Variants in SPOCK3 observed in about 807,000 individuals in gnomAD.
The protein encoded by SPOCK3 is testican-3.
A neutral mutation model predicts 56.6 loss-of-function variants in SPOCK3; 30 were observed. That is an observed-to-expected ratio of 0.53 (90% CI 0.40 to 0.72). The LOEUF (loss-of-function observed/expected upper bound fraction) is 0.72, where lower values mean the gene tolerates loss of function less well. Ranked by LOEUF, SPOCK3 falls within the 30% of genes least tolerant of loss-of-function variation. SPOCK3 has a pLI of 0.00. For missense variants in SPOCK3, 527 were observed against 530.0 expected (o/e 0.99, Z 0.06); for synonymous variants, 196 against 183.3 (o/e 1.07, Z -0.56).
At chr4:166,835,778 T>A (rs558334334) in intron 6 of SPOCK3, among the ~76,000 whole-genome samples, 46 of 152,278 alleles carry the variant, frequency 3.0e-4, no homozygotes, top group African/African-American at 1.1e-3. Context: ...GGTGGGCGGA[T>A]CACCTGAGAT....
chr4:166,795,316 T>C (rs1031117315), intron 6 of SPOCK3, among the ~76,000 whole-genome samples: 2 of 152,132 alleles, frequency 1.3e-5, no homozygotes, highest in African/African-American at 4.8e-5. Context: ...ACAGAAATAC[T>C]GTATAGTCGC....
chr4:166,997,250 C>T (rs1025864351), intron 4 of SPOCK3, among the ~76,000 whole-genome samples: 2 of 152,046 alleles, frequency 1.3e-5, no homozygotes, highest in East Asian at 1.9e-4. Flanking sequence ...GTGCAGTAAA[C>T]CACCATGGGA....
At chr4:166,851,106 C>T (rs539688014) in intron 6 of SPOCK3, among the ~76,000 whole-genome samples, 2 of 152,056 alleles carry the variant, frequency 1.3e-5, no homozygotes, top group East Asian at 1.9e-4. Context: ...TCTCCCAGCA[C>T]GCAGCTGGAG....
chr4:167,214,995 C>CTA (rs1405472112), intron 2 of SPOCK3, among the ~76,000 whole-genome samples: 2 of 150,340 alleles, frequency 1.3e-5, no homozygotes, highest in Non-Finnish European at 3.0e-5. Context: ...TATATATTTA[C>CTA]TATATATATA....
intron 2 of SPOCK3, among the ~76,000 whole-genome samples, chr4:167,104,949 C>A (rs1288688584): frequency 6.6e-6 from 1 of 151,534 alleles, no homozygotes; most frequent in Non-Finnish European, 1.5e-5. Context: ...ACTTAAAGTG[C>A]TGAAGCAAGA....
intron 6 of SPOCK3, among the ~76,000 whole-genome samples, chr4:166,837,908 T>C (rs1407875405): frequency 6.6e-6 from 1 of 152,194 alleles, no homozygotes; most frequent in Non-Finnish European, 1.5e-5. Context: ...GTTTTGATGT[T>C]CCCTTAATTC....
At chr4:166,951,714 C>T (rs1362554754) in intron 4 of SPOCK3, among the ~76,000 whole-genome samples, 17 of 143,324 alleles carry the variant, frequency 1.2e-4, no homozygotes, top group Non-Finnish European at 2.2e-4. Context: ...TCCAGCAGCA[C>T]ATCAAAAAGC....
At chr4:166,845,668 G>C in intron 6 of SPOCK3, among the ~76,000 whole-genome samples, 1 of 152,248 alleles carries the variant, frequency 6.6e-6, no homozygotes, top group South Asian at 2.1e-4. Context: ...TAATTACCAA[G>C]CAATAGTTCA....
intron 6 of SPOCK3, among the ~76,000 whole-genome samples, chr4:166,842,300 TGCTGATTGGTCCATTTTACAGAGA>T (rs1348635374): frequency 1.5e-4 from 23 of 152,352 alleles, no homozygotes; most frequent in East Asian, 7.7e-4. Flanking sequence ...ACCCATATCC[TGCTGATTGGTCCATTTTACAGAGA>T]GCTGATTGGT....
At chr4:166,978,395 C>T (rs1306481580) in intron 4 of SPOCK3, among the ~76,000 whole-genome samples, 1 of 152,012 alleles carries the variant, frequency 6.6e-6, no homozygotes, top group Non-Finnish European at 1.5e-5. Context: ...AATAAAAGAA[C>T]TTGAACAAGA....
intron 2 of SPOCK3, among the ~76,000 whole-genome samples, chr4:167,190,836 T>A (rs1225089653): frequency 1.4e-5 from 2 of 145,944 alleles, no homozygotes; most frequent in Admixed American, 1.4e-4. Flanking sequence ...CATTTGTATA[T>A]CAAGTTTTAC....
In SPOCK3 at chr4:167,035,303, A is replaced by G. The variant is rs761439989; in HGVS notation, c.235+27189T>C. Among the ~76,000 whole-genome samples the G allele has an allele frequency of 3.3e-5, 5 of 152,224 alleles. No individual in the cohort carries two copies. The South Asian group carries it at 8.3e-4, about 25-fold the overall frequency. ...GCTGTATGCCTTCCATTATTTCTAT[A>G]TGATTACCAGAACATCTCAGTGTGA... On this transcript the variant is annotated intron_variant, in intron 3 of 10. Transcript: ENST00000357545.
At chr4:166,847,647 T>TTATATACATATATATATATA (rs1553986753) in intron 6 of SPOCK3, among the ~76,000 whole-genome samples, 8 of 55,366 alleles carry the variant, frequency 1.4e-4, no homozygotes, top group Admixed American at 5.9e-4. Context: ...AAATCCTAGT[T>TTATATACATATATATATATA]TATATATATA....
chr4:166,828,145 G>T (rs1000838179), intron 6 of SPOCK3, among the ~76,000 whole-genome samples: 12 of 151,646 alleles, frequency 7.9e-5, no homozygotes, highest in African/African-American at 2.9e-4. Context: ...AAAATTTGTT[G>T]GTTGATATGT....
chr4:166,769,445 A>T (rs1738623072), intron 7 of SPOCK3, among the ~76,000 whole-genome samples: 1 of 152,176 alleles, frequency 6.6e-6, no homozygotes, highest in Non-Finnish European at 1.5e-5. Context: ...AGTTTGCTGG[A>T]GGTCCACTCC....
chr4:166,746,539 T>G (rs62352832), intron 8 of SPOCK3, among the ~76,000 whole-genome samples: 69,691 of 151,704 alleles, frequency 0.46, 16,508 homozygotes, highest in African/African-American at 0.51. Flanking sequence ...GCAGGAAAGA[T>G]CTAAAATTGA....
chr4:166,922,743 C>T (rs368800764), intron 4 of SPOCK3, among the ~76,000 whole-genome samples: 8 of 152,122 alleles, frequency 5.3e-5, no homozygotes, highest in East Asian at 3.9e-4. Context: ...CTTACAAGCA[C>T]GCAGGAAGCA....
intron 4 of SPOCK3, among the ~76,000 whole-genome samples, chr4:166,956,745 G>A (rs75163563): frequency 7.2e-5 from 11 of 151,960 alleles, no homozygotes; most frequent in East Asian, 1.9e-4. Flanking sequence ...CATACCCAAC[G>A]CCCTCAATTC....
At chr4:167,107,908 C>A (rs1255685128) in intron 2 of SPOCK3, among the ~76,000 whole-genome samples, 1 of 151,704 alleles carries the variant, frequency 6.6e-6, no homozygotes, top group Non-Finnish European at 1.5e-5. Flanking sequence ...GATTCCTTCT[C>A]ACAAGAGATC....
Sources: gnomAD v4.1 joint callset for allele counts (sites outside exome capture counted in the v4.1 genomes callset) on GRCh38, gnomAD v4.1.1 for gene constraint, MANE v1.5 for transcripts, NCBI Gene and HGNC (gene_info 2026-07-23, HGNC 2026-07-21) for gene names.